The following USP10 variants were observed in gnomAD, a reference collection of about 807,000 sequenced individuals.
The protein encoded by USP10 is ubiquitin specific peptidase 10, also known as ubiquitin carboxyl-terminal hydrolase 10.
USP10 carries 22 observed loss-of-function variants against 84.5 expected under a neutral mutation model. The ratio of observed to expected loss-of-function variants is 0.26; its 90% confidence interval spans 0.19 to 0.37. USP10 has a LOEUF of 0.37. Among genes scored for constraint, USP10 ranks in the 10% least tolerant of loss-of-function variants. USP10 has a pLI of 1.00. For missense variants in USP10, 1,019 were observed against 998.9 expected, an observed-to-expected ratio of 1.02 and a Z score of -0.27; for synonymous variants, 454 against 387.6, an observed-to-expected ratio of 1.17 and a Z score of -2.01.
intron 12 of USP10, among the ~76,000 whole-genome samples, chr16:84,774,442 G>A (rs1914767732): frequency 6.6e-6 from 1 of 151,840 alleles, no homozygotes; most frequent in Non-Finnish European, 1.5e-5. Context: ...GAGAAATCAT[G>A]TTACTGTTCT....
intron 1 of USP10, among the ~76,000 whole-genome samples, chr16:84,725,662 C>T (rs1196928075): frequency 6.6e-6 from 1 of 152,156 alleles, no homozygotes; most frequent in African/African-American, 2.4e-5. Context: ...CCTCGGCCCC[C>T]CAGAGTGCTG....
At chr16:84,716,411 T>G (rs1180189090) in intron 1 of USP10, 1 of 152,296 alleles carries the variant, frequency 6.6e-6, no homozygotes, top group African/African-American at 2.4e-5. Context: ...ACTTTTAAAG[T>G]TTTTTCATCT....
chr16:84,738,020 T>C (rs915148591), intron 2 of USP10, among the ~76,000 whole-genome samples: 3 of 152,118 alleles, frequency 2.0e-5, no homozygotes, highest in Non-Finnish European at 4.4e-5. Context: ...GTTGAGTGAG[T>C]GTTCACACCC....
Position 84,738,112 on chromosome 16 carries a change from G to A in USP10, c.91-2197G>A, listed in dbSNP as rs571982875. 2.4e-4 allele frequency among the ~76,000 whole-genome samples: 24 copies of A among 99,098 alleles called. No individual in the cohort carries two copies. The South Asian group carries it at 8.8e-3, about 36-fold the overall frequency. 65.0% of individuals were successfully genotyped at this position (99,098 alleles called of 152,430 possible). On this transcript the variant is annotated intron_variant, in intron 2 of 13. Coordinates refer to ENST00000219473, the MANE Select transcript of USP10 (RefSeq NM_005153.3). ...GCTCTCTGCCTTGTGAAGTGGATGG[G>A]TGAAGAGGTCCCTTCTCTGAATTGT...
chr16:84,739,748 A>G (rs1910404323), intron 2 of USP10, among the ~76,000 whole-genome samples: 1 of 152,366 alleles, frequency 6.6e-6, no homozygotes, highest in East Asian at 1.9e-4. Context: ...CAAACAAGGA[A>G]TGTGACTTCT....
chr16:84,772,474 G>C (rs1018908887), intron 11 of USP10, 67 bp from the exon 12 acceptor site: 1 of 1,599,844 alleles, frequency 6.3e-7, no homozygotes, highest in African/African-American at 1.3e-5. Context: ...TGAGCGGAAG[G>C]TGGATGTGGT....
Position 84,702,954 on chromosome 16 carries a change from C to CT in USP10, c.21+2844dup, listed in dbSNP as rs56228021. Among the ~76,000 whole-genome samples the CT allele has an allele frequency of 3.1e-3, 437 of 138,924 alleles. 3 individuals are homozygous for CT. The highest frequency in any genetic ancestry group is 5.5e-3 in the Non-Finnish European group (362 of 66,116). 91.1% of individuals were successfully genotyped at this position (138,924 alleles called of 152,430 possible). A position where few individuals can be genotyped will look rare whatever the true frequency, so the allele number is the denominator to read the frequency against. On this transcript the variant is annotated intron_variant, in intron 1 of 13. Transcript: ENST00000219473. ...GTTGCAGTGAGCCGAGATCATGCCA[C>CT]TGCACTCCAGCCTGGGCGACAGAGC...
chr16:84,768,745 G>C (rs1477996303), intron 11 of USP10, among the ~76,000 whole-genome samples: 1 of 152,174 alleles, frequency 6.6e-6, no homozygotes, highest in Non-Finnish European at 1.5e-5. Context: ...AGAGATTCCA[G>C]ACACATCTGT....
In USP10 at chr16:84,768,178, G is replaced by C. The variant is rs1376567621; in HGVS notation, c.1833-15G>C. On this transcript the variant is annotated splice_polypyrimidine_tract_variant and intron_variant, in intron 10 of 13. Transcript: ENST00000219473. ...GTGGTCTCTTAATTTTTTTGTTTTT[G>C]CTTTCAATTCTTAGGTCTGTGGTTT... 1.9e-6 allele frequency: 3 copies of C among 1,556,026 alleles called. No homozygotes were observed. Among genetic ancestry groups the C allele is most frequent in the Non-Finnish European group, 2.6e-6 (3 of 1,150,606 alleles).
intron 4 of USP10, among the ~76,000 whole-genome samples, chr16:84,749,956 G>T (rs1395269755): frequency 6.6e-6 from 1 of 152,168 alleles, no homozygotes; most frequent in Non-Finnish European, 1.5e-5. Context: ...CCAGGGGAGA[G>T]CGTGTGAACT....
chr16:84,769,308 C>T (rs925818242), intron 11 of USP10, among the ~76,000 whole-genome samples: 5 of 152,104 alleles, frequency 3.3e-5, no homozygotes, highest in Non-Finnish European at 7.4e-5. Context: ...ACATAGGGAC[C>T]CTTAGCACCT....
chr16:84,757,443 G>GTGTGTGTGTGTGTT (rs1287681148), intron 4 of USP10, among the ~76,000 whole-genome samples: 1 of 145,798 alleles, frequency 6.9e-6, no homozygotes, highest in African/African-American at 2.5e-5. Flanking sequence ...GTGTGTGTGT[G>GTGTGTGTGTGTGTT]TGTTTTGAAT....
At position 84,731,306 on chromosome 16, in the gene USP10, C is replaced by T. The variant is rs866193575; in HGVS notation, c.22-2129C>T. On this transcript the variant is annotated intron_variant, in intron 1 of 13. Transcript: ENST00000219473. ...TACTTTTTTTTTTTTTTTAACTGCTCGTTGCAGAGCAGGGCTACGCCATAG... is the reference window on the plus strand; with the variant it reads ...TACTTTTTTTTTTTTTTTAACTGCTTGTTGCAGAGCAGGGCTACGCCATAG... 2.3e-4 allele frequency among the ~76,000 whole-genome samples: 35 copies of T among 150,146 alleles called. No homozygotes were observed. The Middle Eastern group carries it at 0.01, about 44-fold the overall frequency.
intron 1 of USP10, among the ~76,000 whole-genome samples, chr16:84,720,022 C>A (rs1204244640): frequency 6.6e-6 from 1 of 152,178 alleles, no homozygotes; most frequent in Non-Finnish European, 1.5e-5. Flanking sequence ...ACAACAAAGC[C>A]GCTCATTAAG....
intron 4 of USP10, 139 bp downstream of exon 4, chr16:84,745,812 A>T: frequency 1.1e-6 from 1 of 904,252 alleles, no homozygotes; most frequent in African/African-American, 1.7e-5. Context: ...CCTATGTCTT[A>T]AATGTTCTCT....
At chr16:84,737,773 A>G (rs1910120364) in intron 2 of USP10, among the ~76,000 whole-genome samples, 2 of 152,218 alleles carry the variant, frequency 1.3e-5, no homozygotes, top group Admixed American at 6.5e-5. Context: ...AGAGGGCCAC[A>G]GTAACAGGAC....
chr16:84,767,227 C>T (rs978035280), intron 10 of USP10, among the ~76,000 whole-genome samples: 31 of 151,788 alleles, frequency 2.0e-4, no homozygotes, highest in African/African-American at 6.8e-4. Flanking sequence ...ACTAGGTCAC[C>T]GAGACTGCAG....
chr16:84,763,060 A>C lies in USP10; in HGVS notation c.1626A>C (p.Leu542=). The C allele has an allele frequency of 6.2e-7, 1 of 1,612,068 alleles. No homozygotes were observed. The highest frequency in any genetic ancestry group is 8.5e-7 in the Non-Finnish European group (1 of 1,178,444). The change falls in exon 9 of 14, where the codon CTA becomes CTC. Residue 542 remains leucine (L), a synonymous_variant. Transcript: ENST00000219473. ...LNGLHEEMLN[L]KKLLSPSNEK... ...GACTTCATGAGGAAATGTTGAACCT[A>C]AAGAAGCTTCTCTCACCAAGTAATG...
intron 4 of USP10, among the ~76,000 whole-genome samples, chr16:84,756,463 C>T (rs1215813145): frequency 6.6e-6 from 1 of 152,090 alleles, no homozygotes; most frequent in African/African-American, 2.4e-5. Context: ...CGTGGTGGTG[C>T]ACGTCTGTAA....
Sources: gnomAD v4.1 joint callset for allele counts (sites outside exome capture counted in the v4.1 genomes callset) on GRCh38, gnomAD v4.1.1 for gene constraint, MANE v1.5 for transcripts, NCBI Gene and HGNC (gene_info 2026-07-23, HGNC 2026-07-21) for gene names.